The following CACNA2D3 variants were observed in gnomAD, a reference collection of about 807,000 sequenced individuals.
The protein encoded by CACNA2D3 is voltage-dependent calcium channel subunit alpha-2/delta-3.
Under a neutral mutation model 160.6 loss-of-function variants are expected in CACNA2D3, and 60 were observed. The observed-to-expected ratio is 0.37, with a 90% CI of 0.30 to 0.46. The LOEUF is 0.46. CACNA2D3 is among the 20% of genes least tolerant of loss of function. CACNA2D3 has a pLI of 1.00. For missense variants in CACNA2D3, 1,205 were observed against 1,365.0 expected, an observed-to-expected ratio of 0.88 and a Z score of 1.85; for synonymous variants, 558 against 492.9, an observed-to-expected ratio of 1.13 and a Z score of -1.75.
intron 2 of CACNA2D3, among the ~76,000 whole-genome samples, chr3:54,141,087 G>GTGTGTGTGTGTGTGTGTGCGCGCA (rs1553731269): frequency 8.4e-6 from 1 of 119,728 alleles, no homozygotes; most frequent in Non-Finnish European, 1.7e-5. Flanking sequence ...GTGTGTGTGT[G>GTGTGTGTGTGTGTGTGTGCGCGCA]CGCGCGCGCG....
rs563485449 is a variant in CACNA2D3 at position 54,328,756 on chromosome 3, G to A, written c.321+8198G>A. ...CCATCCTCCCACAGAGAGGAATGTG[G>A]GTGTAGGCACTCTGCTGGACATGCT... is the stretch of plus-strand genomic sequence containing the variant. On this transcript the variant is annotated intron_variant, in intron 3 of 37. Coordinates refer to ENST00000474759, the MANE Select transcript of CACNA2D3 (RefSeq NM_018398.3). 1.6e-3 allele frequency among the ~76,000 whole-genome samples: 251 copies of A among 152,230 alleles called. 1 individual carries two copies. The highest frequency in any genetic ancestry group is 3.3e-3 in the Non-Finnish European group (224 of 68,004).
At chr3:54,685,126 G>A (rs961132371) in intron 11 of CACNA2D3, among the ~76,000 whole-genome samples, 1 of 152,154 alleles carries the variant, frequency 6.6e-6, no homozygotes, top group Non-Finnish European at 1.5e-5. Flanking sequence ...TCTGAGGGTG[G>A]TTCAACAGCC....
At chr3:54,174,625 C>T (rs1700638935) in intron 2 of CACNA2D3, among the ~76,000 whole-genome samples, 1 of 152,106 alleles carries the variant, frequency 6.6e-6, no homozygotes, top group African/African-American at 2.4e-5. Context: ...CCCGGGTTCG[C>T]GCCATTCTCC....
intron 35 of CACNA2D3, among the ~76,000 whole-genome samples, chr3:55,068,575 TTAAATAGTCC>T (rs1446463028): frequency 6.6e-5 from 10 of 152,224 alleles, no homozygotes; most frequent in African/African-American, 2.4e-4. Flanking sequence ...TTAAATATTC[TTAAATAGTCC>T]TAAATATTCT....
intron 27 of CACNA2D3, among the ~76,000 whole-genome samples, chr3:54,914,803 G>A (rs1481842529): frequency 2.0e-5 from 3 of 152,158 alleles, no homozygotes; most frequent in Non-Finnish European, 4.4e-5. Flanking sequence ...ATATAATTTT[G>A]TGTGGGTTTC....
chr3:54,537,097 G>A (rs1322642602), intron 5 of CACNA2D3, among the ~76,000 whole-genome samples: 5 of 145,238 alleles, frequency 3.4e-5, no homozygotes, highest in Non-Finnish European at 7.6e-5. Context: ...CCAAGGCAGA[G>A]AGAGAGAGAG....
chr3:54,454,471 A>T (rs1700362765), intron 4 of CACNA2D3, among the ~76,000 whole-genome samples: 2 of 152,156 alleles, frequency 1.3e-5, no homozygotes, highest in African/African-American at 4.8e-5. Flanking sequence ...ATCATTTATA[A>T]TTGACACATA....
At chr3:54,678,720 C>CAAAAAAAAAAAAAAAAAAAAAAAAAAAA in intron 11 of CACNA2D3, among the ~76,000 whole-genome samples, 1 of 45,902 alleles carries the variant, frequency 2.2e-5, no homozygotes, top group Non-Finnish European at 3.5e-5. Context: ...GACTCGGTCT[C>CAAAAAAAAAAAAAAAAAAAAAAAAAAAA]AAAAAAAAAA....
At chr3:54,936,334 C>T (rs1701327848) in intron 27 of CACNA2D3, among the ~76,000 whole-genome samples, 1 of 152,068 alleles carries the variant, frequency 6.6e-6, no homozygotes, top group Non-Finnish European at 1.5e-5. Context: ...GGACAGAGCT[C>T]CCCATCTTTT....
chr3:54,125,446 T>C (rs1699573020), intron 2 of CACNA2D3, among the ~76,000 whole-genome samples: 1 of 152,188 alleles, frequency 6.6e-6, no homozygotes, highest in African/African-American at 2.4e-5. Flanking sequence ...TTTCCAGCTG[T>C]TTATGGCTTT....
intron 4 of CACNA2D3, among the ~76,000 whole-genome samples, chr3:54,442,373 C>G (rs921779490): frequency 1.1e-4 from 17 of 152,074 alleles, no homozygotes; most frequent in African/African-American, 4.1e-4. Context: ...TTCCTTTGGC[C>G]TGGAGCACAG....
At chr3:54,972,346 G>A (rs1188142577) in intron 29 of CACNA2D3, among the ~76,000 whole-genome samples, 3 of 152,102 alleles carry the variant, frequency 2.0e-5, no homozygotes, top group South Asian at 4.1e-4. Flanking sequence ...TTGGTTCCAG[G>A]CAACCAATTG....
chr3:54,806,680 A>T (rs866579224), intron 13 of CACNA2D3, among the ~76,000 whole-genome samples: 5 of 152,130 alleles, frequency 3.3e-5, no homozygotes, highest in Non-Finnish European at 7.4e-5. Flanking sequence ...CAATGCCTTT[A>T]TTCACAGAAT....
intron 11 of CACNA2D3, among the ~76,000 whole-genome samples, chr3:54,666,845 A>G (rs935576714): frequency 1.3e-5 from 2 of 152,186 alleles, no homozygotes; most frequent in African/African-American, 2.4e-5. Context: ...TCAACCTCGC[A>G]TGGTTGGAAG....
At chr3:54,750,259 T>C (rs933795908) in intron 11 of CACNA2D3, among the ~76,000 whole-genome samples, 1 of 152,164 alleles carries the variant, frequency 6.6e-6, no homozygotes, top group African/African-American at 2.4e-5. Flanking sequence ...ATGGGTTGTT[T>C]TGTGTTGGGT....
Position 54,312,168 on chromosome 3 carries a change from G to A in CACNA2D3, c.205-8274G>A, listed in dbSNP as rs1559446268. ...TTTATTTCAGGTCGCAGACTTCAAGGCAAACGCTCCACATTTTCACTTGGG... is the reference window on the plus strand; with the variant it reads ...TTTATTTCAGGTCGCAGACTTCAAGACAAACGCTCCACATTTTCACTTGGG... On this transcript the variant is annotated intron_variant, in intron 2 of 37. Coordinates refer to ENST00000474759, the MANE Select transcript of CACNA2D3 (RefSeq NM_018398.3). 3.9e-5 allele frequency among the ~76,000 whole-genome samples: 6 copies of A among 152,258 alleles called. No individual in the cohort carries two copies. In the South Asian group the frequency reaches 1.2e-3, roughly 32 times the overall value.
chr3:54,967,195 G>A (rs1222796393), intron 27 of CACNA2D3: 2 of 152,246 alleles, frequency 1.3e-5, no homozygotes, highest in Admixed American at 6.5e-5. Context: ...TACACACCCA[G>A]TTAACCTTTA....
At chr3:54,892,807 A>G (rs574346763) in intron 25 of CACNA2D3, among the ~76,000 whole-genome samples, 1 of 152,354 alleles carries the variant, frequency 6.6e-6, no homozygotes, top group African/African-American at 2.4e-5. Flanking sequence ...CAGTAACAAT[A>G]AAACATGACA....
At chr3:55,061,366 G>A (rs1387873367) in intron 35 of CACNA2D3, among the ~76,000 whole-genome samples, 9 of 152,192 alleles carry the variant, frequency 5.9e-5, no homozygotes, top group African/African-American at 1.7e-4. Flanking sequence ...AGGGTAAACC[G>A]GGTGTGAGCC....
Sources: allele counts gnomAD v4.1 joint callset (sites outside exome capture counted in the v4.1 genomes callset), GRCh38; gene constraint gnomAD v4.1.1; transcripts MANE v1.5; gene names NCBI Gene and HGNC (gene_info 2026-07-23, HGNC 2026-07-21).